The following AGAP1 variants were observed in gnomAD, a reference collection of about 807,000 sequenced individuals.
AGAP1 encodes the protein ArfGAP with GTPase domain, ankyrin repeat and PH domain 1, also known as arf-GAP with GTPase, ANK repeat and PH domain-containing protein 1.
Under a neutral mutation model 105.3 loss-of-function variants are expected in AGAP1, and 29 were observed. That is an observed-to-expected ratio of 0.28 (90% CI 0.21 to 0.38). AGAP1 has a LOEUF of 0.38. AGAP1 is among the 10% of genes least tolerant of loss of function. The pLI is 1.00. For missense variants in AGAP1, 998 were observed against 1,165.1 expected (o/e 0.86, Z 2.09); for synonymous variants, 509 against 485.9 (o/e 1.05, Z -0.63).
intron 11 of AGAP1, among the ~76,000 whole-genome samples, chr2:235,917,192 A>C (rs1262483484): frequency 1.3e-5 from 2 of 151,430 alleles, no homozygotes. Context: ...TGAGGCCCCC[A>C]GCGGTTTCGA....
rs1206240121 is a variant in AGAP1, at chr2:235,901,002, A to T, written c.1156-7736A>T. Among the ~76,000 whole-genome samples, 2 of 152,220 alleles carry T rather than the reference A, an allele frequency of 1.3e-5. No individual in the cohort carries two copies. The highest frequency in any genetic ancestry group is 6.5e-5 in the Admixed American group (1 of 15,284). ...ACTATGATCCTTTGGGGAGAAGAGTAATTGTCTTCTTGAGTTCTGTGATCT... is the reference window on the plus strand; with the variant it reads ...ACTATGATCCTTTGGGGAGAAGAGTTATTGTCTTCTTGAGTTCTGTGATCT... On this transcript the variant is annotated intron_variant, in intron 10 of 17. Transcript: ENST00000304032. The surrounding 1 kb of genome is among the most constrained non-coding windows in gnomAD (Gnocchi z 4.3).
At chr2:235,914,117 TTTCTA>T (rs956769152) in intron 11 of AGAP1, among the ~76,000 whole-genome samples, 20 of 152,230 alleles carry the variant, frequency 1.3e-4, no homozygotes, top group African/African-American at 4.3e-4. Flanking sequence ...ATTTTTGTGT[TTTCTA>T]TTATTCAGCC....
At chr2:235,974,165 G>A (rs943098429) in intron 13 of AGAP1, among the ~76,000 whole-genome samples, 1 of 152,174 alleles carries the variant, frequency 6.6e-6, no homozygotes, top group African/African-American at 2.4e-5. Flanking sequence ...AGGTTAAGTG[G>A]CTTTCTTGTC....
intron 1 of AGAP1, 52 bp downstream of exon 1, chr2:235,494,901 C>A (rs1278164462): frequency 6.6e-7 from 1 of 1,507,780 alleles, no homozygotes; most frequent in South Asian, 1.2e-5. Context: ...GCCCGCGGCG[C>A]GGCGGGGGTG....
intron 14 of AGAP1, chr2:236,037,315 C>G (rs1377948481): frequency 6.6e-6 from 1 of 151,964 alleles, no homozygotes; most frequent in Non-Finnish European, 1.5e-5. Flanking sequence ...AACGCCACCC[C>G]CAAATGTTTC....
chr2:236,109,144 G>C lies in AGAP1; in HGVS notation c.2115-11048G>C, dbSNP rs1461787753. On this transcript the variant is annotated intron_variant, in intron 16 of 17. Transcript: ENST00000304032. This position sits in a 1 kb window ranked among gnomAD's most constrained non-coding sequence, Gnocchi z 5.4. ...TGTGTGTAGGTGTGACTCTCCCCGC[G>C]CTCTCCAGGTGTCCCCAGAGGTCTT... 1.3e-5 allele frequency among the ~76,000 whole-genome samples: 2 copies of C among 149,944 alleles called. No homozygotes were observed. The highest frequency in any genetic ancestry group is 3.9e-4 in the East Asian group (2 of 5,168).
At chr2:235,785,693 A>G (rs888286347) in intron 6 of AGAP1, among the ~76,000 whole-genome samples, 15 of 152,140 alleles carry the variant, frequency 9.9e-5, no homozygotes, top group African/African-American at 3.4e-4. Flanking sequence ...ATAATTTGGC[A>G]TAATCAGTCT....
At position 235,977,336 on chromosome 2, in the gene AGAP1, T is replaced by C. The variant is rs965647921; in HGVS notation, c.1645+8713T>C. On this transcript the variant is annotated intron_variant, in intron 13 of 17. Coordinates refer to ENST00000304032, the MANE Select transcript of AGAP1 (RefSeq NM_001037131.3). This position sits in a 1 kb window ranked among gnomAD's most constrained non-coding sequence, Gnocchi z 5.2. ...AAGTCTCGGTGAAATTATGGTCCACTTGGACCAAGGTCCTGAAGCCAGAAG... is the reference window on the plus strand; with the variant it reads ...AAGTCTCGGTGAAATTATGGTCCACCTGGACCAAGGTCCTGAAGCCAGAAG... Among the ~76,000 whole-genome samples the C allele has an allele frequency of 6.6e-6, 1 of 152,150 alleles. No homozygotes were observed. Among genetic ancestry groups the C allele is most frequent in the Non-Finnish European group, 1.5e-5 (1 of 68,026 alleles).
At chr2:235,534,938 A>G (rs545982153) in intron 1 of AGAP1, among the ~76,000 whole-genome samples, 1 of 152,214 alleles carries the variant, frequency 6.6e-6, no homozygotes, top group South Asian at 2.1e-4. Context: ...TTTTCTGTAA[A>G]TAGTGTCACT....
rs755978450 is a variant in AGAP1 at position 235,855,544 on chromosome 2, C to T, written c.1051-27801C>T. Among the ~76,000 whole-genome samples the T allele has an allele frequency of 3.4e-4, 52 of 152,164 alleles. No individual in the cohort carries two copies. Among genetic ancestry groups the T allele is most frequent in the African/African-American group, 4.6e-4 (19 of 41,436 alleles). ...AGTTGAGTTATAGTAAATTTAAAAT[C>T]GAGCAATTTCTGCTTTAAATATAGG... On this transcript the variant is annotated intron_variant, in intron 9 of 17. Transcript: ENST00000304032. This position sits in a 1 kb window ranked among gnomAD's most constrained non-coding sequence, Gnocchi z 5.0.
At chr2:235,731,446 T>C (rs889363013) in intron 3 of AGAP1, among the ~76,000 whole-genome samples, 15 of 152,186 alleles carry the variant, frequency 9.9e-5, no homozygotes, top group African/African-American at 3.6e-4. Context: ...TTATAGGCTA[T>C]TTTGATGTAA....
chr2:236,048,347 C>T (rs2057787313), intron 15 of AGAP1, among the ~76,000 whole-genome samples: 1 of 152,236 alleles, frequency 6.6e-6, no homozygotes, highest in African/African-American at 2.4e-5. Context: ...ACAATCCTTG[C>T]ACTAGTCCTT....
At chr2:236,098,770 G>T (rs530544016) in intron 16 of AGAP1, among the ~76,000 whole-genome samples, 2 of 150,820 alleles carry the variant, frequency 1.3e-5, no homozygotes, top group Non-Finnish European at 3.0e-5. Flanking sequence ...GACTACAGGC[G>T]TGCACCACCA....
intron 9 of AGAP1, among the ~76,000 whole-genome samples, chr2:235,862,206 C>T (rs1044512713): frequency 1.3e-5 from 2 of 152,136 alleles, no homozygotes; most frequent in African/African-American, 4.8e-5. Flanking sequence ...GACTCTGATT[C>T]GATGCACTTT....
In AGAP1 at chr2:235,550,810, T is replaced by A. The variant is rs1943782180; in HGVS notation, c.163+55961T>A. Among the ~76,000 whole-genome samples the A allele has an allele frequency of 6.6e-6, 1 of 152,228 alleles. No homozygotes were observed. Among genetic ancestry groups the A allele is most frequent in the Non-Finnish European group, 1.5e-5 (1 of 68,040 alleles). On this transcript the variant is annotated intron_variant, in intron 1 of 17. Coordinates refer to ENST00000304032, the MANE Select transcript of AGAP1 (RefSeq NM_001037131.3). This position sits in a 1 kb window ranked among gnomAD's most constrained non-coding sequence, Gnocchi z 4.6. ...TTTTTTTTGAGATAGAGTCTCACTCTGTTGCCCAGGCTGGAGTGCAGTGGC... is the reference window on the plus strand; with the variant it reads ...TTTTTTTTGAGATAGAGTCTCACTCAGTTGCCCAGGCTGGAGTGCAGTGGC...
At chr2:235,851,073 G>A (rs1046636019) in intron 9 of AGAP1, among the ~76,000 whole-genome samples, 1 of 152,244 alleles carries the variant, frequency 6.6e-6, no homozygotes, top group African/African-American at 2.4e-5. Context: ...CACAGGAAGG[G>A]CGCTGAGCTG....
chr2:235,949,406 G>T lies in AGAP1; in HGVS notation c.1483+18483G>T, dbSNP rs537626129. ...CTGCCATACCACTTCAAAAGAGGGC[G>T]GTGGCCAGGGGGTGCTCTTCCCAAG... On this transcript the variant is annotated intron_variant, in intron 12 of 17. Coordinates refer to ENST00000304032, the MANE Select transcript of AGAP1 (RefSeq NM_001037131.3). Among the ~76,000 whole-genome samples, 32 of 152,198 alleles carry T rather than the reference G, an allele frequency of 2.1e-4. No individual in the cohort carries two copies. The South Asian group carries it at 6.7e-3, about 32-fold the overall frequency.
chr2:235,567,280 G>T (rs1328449259), intron 1 of AGAP1, among the ~76,000 whole-genome samples: 2 of 152,242 alleles, frequency 1.3e-5, no homozygotes, highest in South Asian at 2.1e-4. Flanking sequence ...TCAGATATGA[G>T]AATGGGAAAA....
At chr2:235,917,477 T>G (rs2051948892) in intron 11 of AGAP1, among the ~76,000 whole-genome samples, 1 of 152,128 alleles carries the variant, frequency 6.6e-6, no homozygotes, top group Non-Finnish European at 1.5e-5. Flanking sequence ...TCGTCCTCTT[T>G]CTCCCTCTCT....
Sources: gnomAD v4.1 joint callset for allele counts (sites outside exome capture counted in the v4.1 genomes callset) on GRCh38, gnomAD v4.1.1 for gene constraint, Gnocchi (gnomAD v3.1) non-coding constraint, MANE v1.5 for transcripts, NCBI Gene and HGNC (gene_info 2026-07-23, HGNC 2026-07-21) for gene names.